Variants in TEAD1 observed in about 807,000 individuals in gnomAD.
TEAD1 encodes the protein TEA domain transcription factor 1.
Under a neutral mutation model 54.9 loss-of-function variants are expected in TEAD1, and 9 were observed. The observed-to-expected ratio is 0.16, with a 90% CI of 0.10 to 0.29. The LOEUF (loss-of-function observed/expected upper bound fraction) is 0.29. Among genes scored for constraint, TEAD1 ranks in the 10% least tolerant of loss-of-function variants. The pLI is 1.00. For synonymous variants in TEAD1, 200 were observed against 187.8 expected (o/e 1.07, Z -0.53); for missense variants, 387 against 535.9 (o/e 0.72, Z 2.74).
intron 3 of TEAD1, among the ~76,000 whole-genome samples, chr11:12,769,930 T>G (rs180981188): frequency 2.0e-5 from 3 of 152,216 alleles, no homozygotes; most frequent in East Asian, 3.9e-4. Context: ...CGTAGGTGAT[T>G]AAGCCTGTAA....
chr11:12,818,151 G>T (rs1946455006), intron 3 of TEAD1, among the ~76,000 whole-genome samples: 1 of 152,130 alleles, frequency 6.6e-6, no homozygotes, highest in Non-Finnish European at 1.5e-5. Context: ...TTTCACCTTT[G>T]TCCCAAACTC....
chr11:12,691,617 A>C (rs765062599), intron 2 of TEAD1, among the ~76,000 whole-genome samples: 1 of 152,150 alleles, frequency 6.6e-6, no homozygotes, highest in African/African-American at 2.4e-5. Flanking sequence ...CCTTAAGAAA[A>C]AGACCAAACT....
rs532307990 is a variant in TEAD1 at position 12,932,857 on chromosome 11, G to C, written c.1167+2531G>C. 1.2e-4 allele frequency among the ~76,000 whole-genome samples: 19 copies of C among 152,192 alleles called. No homozygotes were observed. In the South Asian group the frequency reaches 3.9e-3, roughly 32 times the overall value. ...GGCCTGTAAGCTCCACGCATGGTAA[G>C]TGCCCTATATAGGTGAACTACTTTT... is the stretch of plus-strand genomic sequence containing the variant. On this transcript the variant is annotated intron_variant, in intron 12 of 12. Coordinates refer to ENST00000527636, the MANE Select transcript of TEAD1 (RefSeq NM_021961.6).
At chr11:12,915,257 C>T (rs1383297003) in intron 10 of TEAD1, among the ~76,000 whole-genome samples, 2 of 152,130 alleles carry the variant, frequency 1.3e-5, no homozygotes, top group East Asian at 1.9e-4. Flanking sequence ...AAGTTGTTGT[C>T]ATCCGCCAAA....
intron 9 of TEAD1, among the ~76,000 whole-genome samples, chr11:12,884,014 A>G (rs1347249643): frequency 1.3e-5 from 2 of 151,880 alleles, no homozygotes; most frequent in Non-Finnish European, 2.9e-5. Flanking sequence ...AAAAAAGAAG[A>G]AGTAACAAAA....
At chr11:12,802,191 T>C (rs1946073208) in intron 3 of TEAD1, among the ~76,000 whole-genome samples, 1 of 152,228 alleles carries the variant, frequency 6.6e-6, no homozygotes. Flanking sequence ...GCCTCTAAGA[T>C]GAGACCACAT....
At chr11:12,744,813 T>G (rs550071770) in intron 2 of TEAD1, among the ~76,000 whole-genome samples, 11 of 152,354 alleles carry the variant, frequency 7.2e-5, no homozygotes, top group South Asian at 4.1e-4. Context: ...AGCTGCTGAC[T>G]CGGTGGGATA....
At chr11:12,832,523 A>T (rs1946804092) in intron 3 of TEAD1, among the ~76,000 whole-genome samples, 1 of 152,200 alleles carries the variant, frequency 6.6e-6, no homozygotes, top group African/African-American at 2.4e-5. Context: ...TCTTGCACTA[A>T]TCATTAATAA....
intron 9 of TEAD1, among the ~76,000 whole-genome samples, 174 bp downstream of exon 9, chr11:12,883,299 T>G (rs946085017): frequency 2.0e-5 from 3 of 152,202 alleles, no homozygotes; most frequent in African/African-American, 7.2e-5. Context: ...GGATTCCTAT[T>G]GGCAGATTTG....
At chr11:12,932,414 T>TGG (rs35618237) in intron 12 of TEAD1, among the ~76,000 whole-genome samples, 63 of 152,066 alleles carry the variant, frequency 4.1e-4, no homozygotes, top group Non-Finnish European at 7.9e-4. Context: ...CTGCCTCTCT[T>TGG]GGGGGGGAGT....
chr11:12,735,101 G>T, intron 2 of TEAD1, among the ~76,000 whole-genome samples: 1 of 152,310 alleles, frequency 6.6e-6, no homozygotes, highest in Admixed American at 6.5e-5. Context: ...AGAATCTGGG[G>T]CCGTCCAGAA....
chr11:12,821,828 T>C (rs1292371816), intron 3 of TEAD1, among the ~76,000 whole-genome samples: 5 of 152,058 alleles, frequency 3.3e-5, no homozygotes, highest in Non-Finnish European at 5.9e-5. Context: ...AGGCATTTCA[T>C]GGAACACACA....
At chr11:12,815,571 A>G (rs1053453278) in intron 3 of TEAD1, among the ~76,000 whole-genome samples, 1 of 152,198 alleles carries the variant, frequency 6.6e-6, no homozygotes, top group African/African-American at 2.4e-5. Flanking sequence ...CCATGACATG[A>G]TGGTATGCCC....
intron 3 of TEAD1, among the ~76,000 whole-genome samples, chr11:12,859,450 T>C (rs1947456225): frequency 6.6e-6 from 1 of 152,216 alleles, no homozygotes; most frequent in South Asian, 2.1e-4. Context: ...ATGCTTGGCT[T>C]GTCTGCAGAC....
chr11:12,679,359 G>A (rs1216327557), intron 2 of TEAD1, among the ~76,000 whole-genome samples: 1 of 152,184 alleles, frequency 6.6e-6, no homozygotes, highest in Non-Finnish European at 1.5e-5. Context: ...TTGCAGGCAT[G>A]GGACCCTGGA....
At chr11:12,792,710 G>A (rs1208701392) in intron 3 of TEAD1, among the ~76,000 whole-genome samples, 1 of 152,186 alleles carries the variant, frequency 6.6e-6, no homozygotes, top group African/African-American at 2.4e-5. Context: ...GATTACATGA[G>A]ATATATAGTA....
intron 3 of TEAD1, among the ~76,000 whole-genome samples, chr11:12,845,974 A>G (rs960668073): frequency 6.6e-6 from 1 of 152,240 alleles, no homozygotes; most frequent in Admixed American, 6.5e-5. Flanking sequence ...GCAGCCGAGC[A>G]TGCTTACAGC....
At chr11:12,688,061 A>G (rs572220734) in intron 2 of TEAD1, among the ~76,000 whole-genome samples, 2 of 152,278 alleles carry the variant, frequency 1.3e-5, no homozygotes, top group South Asian at 4.1e-4. Flanking sequence ...AGGCCTGGAT[A>G]TGGAAATGGC....
chr11:12,735,562 ATTTT>A (rs58093822), intron 2 of TEAD1, among the ~76,000 whole-genome samples: 1 of 121,036 alleles, frequency 8.3e-6, no homozygotes, highest in Non-Finnish European at 1.8e-5. Context: ...TCCTGGTTCG[ATTTT>A]TTTTTTTTTT....
Sources: allele counts gnomAD v4.1 joint callset (sites outside exome capture counted in the v4.1 genomes callset), GRCh38; gene constraint gnomAD v4.1.1; transcripts MANE v1.5; gene names NCBI Gene and HGNC (gene_info 2026-07-23, HGNC 2026-07-21).